The following SDK1 variants were observed in gnomAD, a reference collection of about 807,000 sequenced individuals.
SDK1 encodes the protein protein sidekick-1.
Under a neutral mutation model 245.5 loss-of-function variants are expected in SDK1, and 157 were observed. That is an observed-to-expected ratio of 0.64 (90% CI 0.56 to 0.73). The LOEUF is 0.73. SDK1 is among the 30% of genes least tolerant of loss of function. The pLI, the probability that SDK1 is intolerant of heterozygous loss-of-function variation, is 0.00. For missense variants in SDK1, 3,583 were observed against 3,002.3 expected, an observed-to-expected ratio of 1.19 and a Z score of -4.52; for synonymous variants, 1,647 against 1,278.5, an observed-to-expected ratio of 1.29 and a Z score of -6.15.
chr7:3,682,301 C>T (rs755449174), intron 4 of SDK1, among the ~76,000 whole-genome samples: 1 of 152,184 alleles, frequency 6.6e-6, no homozygotes, highest in Non-Finnish European at 1.5e-5. Context: ...TCTTGTCTTT[C>T]GATTCTGTCC....
At chr7:4,010,412 G>C (rs953689802) in intron 14 of SDK1, among the ~76,000 whole-genome samples, 2 of 152,174 alleles carry the variant, frequency 1.3e-5, no homozygotes, top group African/African-American at 2.4e-5. Flanking sequence ...TTCTAAGCTC[G>C]CTGTGAATTT....
At chr7:3,502,518 G>C (rs1218635964) in intron 1 of SDK1, among the ~76,000 whole-genome samples, 2 of 152,076 alleles carry the variant, frequency 1.3e-5, no homozygotes, top group Non-Finnish European at 2.9e-5. Flanking sequence ...CAAAGTGCTG[G>C]GATTACAGGC....
intron 14 of SDK1, among the ~76,000 whole-genome samples, chr7:4,004,766 T>C (rs939340805): frequency 6.6e-6 from 1 of 152,230 alleles, no homozygotes; most frequent in African/African-American, 2.4e-5. Flanking sequence ...CCTAACAAAA[T>C]TAATAGTAGT....
chr7:3,797,660 A>G (rs927704557), intron 4 of SDK1, among the ~76,000 whole-genome samples: 2 of 148,780 alleles, frequency 1.3e-5, no homozygotes, highest in African/African-American at 5.2e-5. Flanking sequence ...ATAATTGATG[A>G]AGTTTTTCCA....
intron 4 of SDK1, among the ~76,000 whole-genome samples, chr7:3,642,400 AGATGTCATTGTCATCCC>A (rs1364351991): frequency 4.6e-5 from 7 of 152,186 alleles, no homozygotes; most frequent in African/African-American, 1.4e-4. Context: ...GTACTTTTTA[AGATGTCATTGTCATCCC>A]TGAGTTGGGT....
intron 44 of SDK1, among the ~76,000 whole-genome samples, chr7:4,263,352 T>G (rs2128244882): frequency 6.6e-6 from 1 of 150,778 alleles, no homozygotes; most frequent in East Asian, 2.0e-4. Context: ...CTGGGGCCTG[T>G]GTGGGGAGGC....
chr7:4,112,551 T>C (rs1783415947), intron 23 of SDK1, among the ~76,000 whole-genome samples: 2 of 152,150 alleles, frequency 1.3e-5, no homozygotes, highest in South Asian at 4.1e-4. Flanking sequence ...CATCCTGATA[T>C]TCCAATTCTG....
chr7:3,586,562 G>A (rs1347981214), intron 1 of SDK1, among the ~76,000 whole-genome samples: 4 of 151,696 alleles, frequency 2.6e-5, no homozygotes, highest in Non-Finnish European at 5.9e-5. Context: ...AAAATTAGCT[G>A]GGCATTGTGG....
intron 5 of SDK1, among the ~76,000 whole-genome samples, chr7:3,942,149 G>A (rs372421133): frequency 6.6e-6 from 1 of 152,038 alleles, no homozygotes; most frequent in Non-Finnish European, 1.5e-5. Context: ...CTCATGATCC[G>A]CCCACCCAAG....
At chr7:4,233,203 C>A in intron 40 of SDK1, 52 bp from the exon 41 acceptor site, 1 of 1,568,174 alleles carries the variant, frequency 6.4e-7, no homozygotes, top group Non-Finnish European at 8.7e-7. Flanking sequence ...GGGCTCGCAT[C>A]TGGGACTTCG....
intron 4 of SDK1, among the ~76,000 whole-genome samples, chr7:3,664,550 C>A (rs1486202350): frequency 1.3e-5 from 2 of 152,020 alleles, no homozygotes; most frequent in East Asian, 3.9e-4. Flanking sequence ...ATCAGCCTGG[C>A]CAACATGGTG....
At chr7:3,322,972 G>C (rs1331856346) in intron 1 of SDK1, among the ~76,000 whole-genome samples, 1 of 152,134 alleles carries the variant, frequency 6.6e-6, no homozygotes, top group East Asian at 1.9e-4. Flanking sequence ...GCCACACCTG[G>C]CTCATTTTTG....
chr7:3,785,599 C>G (rs1780878219), intron 4 of SDK1, among the ~76,000 whole-genome samples: 1 of 152,086 alleles, frequency 6.6e-6, no homozygotes, highest in African/African-American at 2.4e-5. Context: ...ATTTTCTTAA[C>G]AGACTATTGG....
In SDK1 at chr7:3,485,683, G is replaced by GTTTTTTTTTTTTTT. The variant is rs71552309; in HGVS notation, c.299-133388_299-133375dup. 9.0e-3 allele frequency among the ~76,000 whole-genome samples: 343 copies of GTTTTTTTTTTTTTT among 38,154 alleles called. 80 individuals are homozygous for GTTTTTTTTTTTTTT. Among genetic ancestry groups the GTTTTTTTTTTTTTT allele is most frequent in the African/African-American group, 0.025 (232 of 9,434 alleles). The allele number at this position is 38,154 out of a possible 152,430, so 25.0% of individuals were successfully genotyped here. On this transcript the variant is annotated intron_variant, in intron 1 of 44. Coordinates refer to ENST00000404826, the MANE Select transcript of SDK1 (RefSeq NM_152744.4). ...GTGCTGAGGGGATGATCTTTGGAGG[G>GTTTTTTTTTTTTTT]TTTTTTTTTTTTTTTTTTTTTTGAG... is the stretch of plus-strand genomic sequence containing the variant.
rs370054165 is a variant in SDK1 at position 4,080,368 on chromosome 7, A to G, written c.3324+784A>G. Among the ~76,000 whole-genome samples, 10 of 152,318 alleles carry G rather than the reference A, an allele frequency of 6.6e-5. No individual in the cohort carries two copies. The East Asian group carries it at 1.7e-3, about 26-fold the overall frequency. ...TGCAATCTGCCACTTCCATGTTCCA[A>G]TAAAAGCAGGAGGAAAAAGATAAAG... On this transcript the variant is annotated intron_variant, in intron 22 of 44. Coordinates refer to ENST00000404826, the MANE Select transcript of SDK1 (RefSeq NM_152744.4).
chr7:4,145,293 C>G (rs1279452363), intron 28 of SDK1, among the ~76,000 whole-genome samples: 2 of 152,142 alleles, frequency 1.3e-5, no homozygotes, highest in Non-Finnish European at 2.9e-5. Context: ...AGCTGCTGTC[C>G]TGCCTGGGGA....
chr7:3,948,438 A>G (rs1780664140), intron 5 of SDK1, among the ~76,000 whole-genome samples: 1 of 151,328 alleles, frequency 6.6e-6, no homozygotes, highest in East Asian at 1.9e-4. Flanking sequence ...GTTTTTTTGT[A>G]TTTTTAGTAG....
intron 1 of SDK1, among the ~76,000 whole-genome samples, chr7:3,307,269 C>T (rs1037899699): frequency 6.6e-6 from 1 of 151,998 alleles, no homozygotes; most frequent in Admixed American, 6.6e-5. Flanking sequence ...CGTTCGTAGC[C>T]ATAATCCTGA....
At chr7:4,219,178 G>C (rs1349630098) in intron 38 of SDK1, among the ~76,000 whole-genome samples, 1 of 152,202 alleles carries the variant, frequency 6.6e-6, no homozygotes, top group African/African-American at 2.4e-5. Context: ...CCTGGCTTCA[G>C]AGTCCACAGA....
Sources: gnomAD v4.1 joint callset for allele counts (sites outside exome capture counted in the v4.1 genomes callset) on GRCh38, gnomAD v4.1.1 for gene constraint, MANE v1.5 for transcripts, NCBI Gene and HGNC (gene_info 2026-07-23, HGNC 2026-07-21) for gene names.